ATP6AP2: variants seen among roughly 807,000 people sequenced by gnomAD.
ATP6AP2 encodes renin receptor.
Under a neutral mutation model 23.4 loss-of-function variants are expected in ATP6AP2, and 1 was observed. The ratio of observed to expected loss-of-function variants is 0.04; its 90% CI spans 0.02 to 0.20. The LOEUF (loss-of-function observed/expected upper bound fraction) is 0.20, where lower values mean the gene tolerates loss of function less well. ATP6AP2 is among the 10% of genes least tolerant of loss of function. ATP6AP2 has a pLI of 1.00. For synonymous variants in ATP6AP2, 90 were observed against 97.1 expected (o/e 0.93, Z 0.43); for missense variants, 174 against 271.3 (o/e 0.64, Z 2.52).
At position 40,589,077 on chromosome X, in the gene ATP6AP2, A is replaced by C; in HGVS notation, c.129A>C (p.Pro43=). 1 of 1,210,368 alleles carries C rather than the reference A, an allele frequency of 8.3e-7. No homozygotes were observed. The stretch of plus-strand genomic sequence containing the variant: ...GGCCTATACCAGGAGAGCGGATCCC[A>C]GACGTGGCTGCATTGTCCATGGGCT... ...GNWPIPGERI[P]DVAALSMGFS... is the part of the protein sequence containing the mutation. Residue 43 remains proline (P), a synonymous_variant, in exon 2 of 9, where the codon CCA becomes CCC. Transcript: ENST00000636580.
At chrX:40,581,142 C>T (rs751032860) in intron 1 of ATP6AP2, 40 bp downstream of exon 1, 310 of 1,117,003 alleles carry the variant, frequency 2.8e-4, no homozygotes, top group Non-Finnish European at 3.6e-4. Context: ...CTGGGGAGGT[C>T]CTGCGCCGCG....
chrX:40,580,989 C>G lies in ATP6AP2; in HGVS notation c.-77C>G. The G allele has an allele frequency of 1.2e-5, 14 of 1,130,179 alleles. No individual in the cohort carries two copies. Among genetic ancestry groups the G allele is most frequent in the Non-Finnish European group, 1.5e-5 (13 of 842,505 alleles). The allele number at this position is 1,130,179 out of a possible 1,213,427, so 93.1% of individuals were successfully genotyped here. A position where few individuals can be genotyped will look rare whatever the true frequency, so the allele number is the denominator to read the frequency against. ...CTGGACGAGTCCGAGCGCGTCACCTCCTCACGCTGCGGCTGTCGCCCGTGT... is the reference window on the plus strand; with the variant it reads ...CTGGACGAGTCCGAGCGCGTCACCTGCTCACGCTGCGGCTGTCGCCCGTGT... On this transcript the variant is annotated 5_prime_UTR_variant, in exon 1 of 9. Transcript: ENST00000636580.
chrX:40,603,686 C>T (rs1926998246), intron 8 of ATP6AP2, among the ~76,000 whole-genome samples: 1 of 111,913 alleles, frequency 8.9e-6, no homozygotes, highest in South Asian at 3.7e-4. Context: ...ATCTGTCTCT[C>T]TGCTTCCCAG....
At chrX:40,592,500 A>C (rs1926659343) in intron 3 of ATP6AP2, 1 of 111,150 alleles carries the variant, frequency 9.0e-6, no homozygotes. Flanking sequence ...GGGGAAAAAA[A>C]AAGAAAGAAA....
intron 6 of ATP6AP2, chrX:40,599,040 T>C (rs1926840475): frequency 3.2e-6 from 1 of 310,317 alleles, no homozygotes. Flanking sequence ...TTCCTATCTA[T>C]ATCTTTGGGC....
intron 1 of ATP6AP2, among the ~76,000 whole-genome samples, chrX:40,582,785 ATAT>A (rs936403085): frequency 8.9e-6 from 1 of 112,038 alleles, no homozygotes; most frequent in African/African-American, 3.2e-5. Flanking sequence ...ATTTTGACTG[ATAT>A]TATTTTGATT....
chrX:40,586,165 C>T (rs941331390), intron 1 of ATP6AP2, among the ~76,000 whole-genome samples: 2 of 111,751 alleles, frequency 1.8e-5, no homozygotes, highest in Non-Finnish European at 1.9e-5. Context: ...ACCAATGTGT[C>T]GGGCTCTGTT....
At chrX:40,591,523 T>A in intron 3 of ATP6AP2, 158 bp downstream of exon 3, 1 of 638,846 alleles carries the variant, frequency 1.6e-6, no homozygotes, top group Non-Finnish European at 2.4e-6. Context: ...TTAAGAAAAT[T>A]ACATGATGAT....
chrX:40,591,510 T>C (rs1926627868), intron 3 of ATP6AP2, 145 bp downstream of exon 3: 1 of 743,341 alleles, frequency 1.3e-6, no homozygotes, highest in Non-Finnish European at 2.0e-6. Context: ...ACACAATTTC[T>C]TTTTAAGAAA....
chrX:40,603,092 C>G (rs891945846), intron 8 of ATP6AP2, among the ~76,000 whole-genome samples: 2 of 107,228 alleles, frequency 1.9e-5, no homozygotes, highest in Non-Finnish European at 3.8e-5. Flanking sequence ...CACCACCACA[C>G]CCGGCTAATT....
intron 1 of ATP6AP2, among the ~76,000 whole-genome samples, chrX:40,586,642 G>A (rs1926479803): frequency 8.9e-6 from 1 of 112,375 alleles, no homozygotes; most frequent in African/African-American, 3.2e-5. Flanking sequence ...AATGGAGCCA[G>A]TTGCTGGCAA....
intron 2 of ATP6AP2, chrX:40,589,527 G>T (rs752723187): frequency 1.5e-5 from 2 of 131,134 alleles, no homozygotes; most frequent in Non-Finnish European, 3.0e-5. Flanking sequence ...GAATGCATCT[G>T]TCCTACTCTT....
In ATP6AP2 at chrX:40,597,836, C is replaced by T. The variant is rs1926813298; in HGVS notation, c.534+172C>T. Reference sequence around the variant, plus strand: ...CACAGGCTTGAGCCACTGCATCTGGCCTCCCATTCCTTATACTACTTGAAA... The same window carrying T: ...CACAGGCTTGAGCCACTGCATCTGGTCTCCCATTCCTTATACTACTTGAAA... On this transcript the variant is annotated intron_variant, in intron 5 of 8. Coordinates refer to ENST00000636580, the MANE Select transcript of ATP6AP2 (RefSeq NM_005765.3). The T allele has an allele frequency of 2.5e-5, 12 of 473,956 alleles. No homozygotes were observed. In the East Asian group the frequency reaches 2.7e-4, roughly 11 times the overall value. The allele number at this position is 473,956 out of a possible 1,213,427, so 39.1% of individuals were successfully genotyped here.
chrX:40,600,704 T>C (rs1328797706), intron 7 of ATP6AP2, 58 bp from the exon 8 acceptor site: 7 of 1,120,035 alleles, frequency 6.2e-6, no homozygotes, highest in East Asian at 6.1e-5. Context: ...ATTTGTTAAT[T>C]AAAAATGAAA....
chrX:40,602,635 G>A (rs1299510517), intron 8 of ATP6AP2, among the ~76,000 whole-genome samples: 1 of 98,627 alleles, frequency 1.0e-5, no homozygotes, highest in Non-Finnish European at 2.0e-5. Context: ...GGGTGACACA[G>A]TGAGACTCCA....
intron 3 of ATP6AP2, among the ~76,000 whole-genome samples, chrX:40,592,779 T>G (rs1223161510): frequency 2.7e-5 from 3 of 110,629 alleles, no homozygotes; most frequent in African/African-American, 9.9e-5. Context: ...TTTCAGACTT[T>G]CCTGTGGTCG....
intron 6 of ATP6AP2, 71 bp downstream of exon 6, chrX:40,598,805 G>A: frequency 9.5e-7 from 1 of 1,056,276 alleles, no homozygotes; most frequent in Non-Finnish European, 1.3e-6. Context: ...TAATAGTAAA[G>A]GCAGTTGAAA....
rs753957171 is a variant in ATP6AP2 at position 40,597,672 on chromosome X, C to T, written c.534+8C>T. 10 of 1,196,687 alleles carry T rather than the reference C, an allele frequency of 8.4e-6. No homozygotes were observed. The highest frequency in any genetic ancestry group is 1.1e-5 in the Non-Finnish European group (10 of 882,037). On this transcript the variant is annotated splice_region_variant and intron_variant, in intron 5 of 8. Transcript: ENST00000636580. ...CTGAGTAGGAACAATGAAGTAAGTG[C>T]AGTTATTCAATGAATACATGAATAT...
In ATP6AP2 at chrX:40,599,802, A is replaced by G. The variant is rs982505795; in HGVS notation, c.738+61A>G. 48 of 1,173,023 alleles carry G rather than the reference A, an allele frequency of 4.1e-5. No homozygotes were observed. In the African/African-American group the frequency reaches 7.3e-4, roughly 18 times the overall value. On this transcript the variant is annotated intron_variant, in intron 7 of 8. Transcript: ENST00000636580. ...ACCATTTCACTTTTAGCCTCTTAAT[A>G]GAAAAATCTGCTGTTTCAAACACTG...
Sources: gnomAD v4.1 joint callset for allele counts (sites outside exome capture counted in the v4.1 genomes callset) on GRCh38, gnomAD v4.1.1 for gene constraint, MANE v1.5 for transcripts, NCBI Gene and HGNC (gene_info 2026-07-23, HGNC 2026-07-21) for gene names.